Variants in DPP6 observed in about 807,000 individuals in gnomAD.
DPP6 encodes dipeptidyl peptidase like 6, also known as A-type potassium channel modulatory protein DPP6.
DPP6 carries 69 observed loss-of-function variants against 122.6 expected under a neutral mutation model. The observed-to-expected ratio is 0.56, with a 90% CI of 0.46 to 0.69. The LOEUF (loss-of-function observed/expected upper bound fraction) is 0.69. DPP6 is among the 30% of genes least tolerant of loss of function. DPP6 has a pLI of 0.00. For missense variants in DPP6, 928 were observed against 1,116.9 expected, an observed-to-expected ratio of 0.83 and a Z score of 2.41; for synonymous variants, 418 against 433.1, an observed-to-expected ratio of 0.97 and a Z score of 0.43.
intron 7 of DPP6, among the ~76,000 whole-genome samples, chr7:154,698,980 C>A (rs1166899898): frequency 6.6e-6 from 1 of 152,196 alleles, no homozygotes; most frequent in Non-Finnish European, 1.5e-5. Flanking sequence ...GGATAACGAG[C>A]CCCTGTAGGC....
intron 1 of DPP6, among the ~76,000 whole-genome samples, chr7:154,252,401 T>G (rs1226806879): frequency 6.6e-6 from 1 of 152,248 alleles, no homozygotes; most frequent in Non-Finnish European, 1.5e-5. Flanking sequence ...TCACTCACCT[T>G]GTTTAGAACT....
intron 1 of DPP6, among the ~76,000 whole-genome samples, chr7:154,443,147 A>G (rs952409298): frequency 6.6e-6 from 1 of 150,990 alleles, no homozygotes; most frequent in African/African-American, 2.4e-5. Flanking sequence ...CAGGCCAGGC[A>G]CCTGCCACTC....
At chr7:154,864,778 AACGAGGTATT>A (rs1242684206) in intron 17 of DPP6, among the ~76,000 whole-genome samples, 2 of 152,192 alleles carry the variant, frequency 1.3e-5, no homozygotes, top group African/African-American at 4.8e-5. Context: ...AATAGAGAGG[AACGAGGTATT>A]CACACGCAGC....
intron 6 of DPP6, among the ~76,000 whole-genome samples, chr7:154,640,656 G>A (rs969124309): frequency 6.6e-6 from 1 of 152,138 alleles, no homozygotes; most frequent in African/African-American, 2.4e-5. Context: ...CACTGTCACC[G>A]GTGTGCGTGC....
chr7:153,986,153 C>G (rs1219537641), intron 1 of DPP6, among the ~76,000 whole-genome samples: 1 of 152,158 alleles, frequency 6.6e-6, no homozygotes, highest in Admixed American at 6.5e-5. Flanking sequence ...AAATTCAAAC[C>G]AAACCCTTTT....
chr7:153,952,922 T>G (rs1161570140), intron 1 of DPP6, among the ~76,000 whole-genome samples: 1 of 152,228 alleles, frequency 6.6e-6, no homozygotes, highest in Non-Finnish European at 1.5e-5. Flanking sequence ...GCTCTAAATC[T>G]TTGCATAGTC....
intron 1 of DPP6, among the ~76,000 whole-genome samples, chr7:154,411,508 G>A (rs548745703): frequency 1.2e-4 from 19 of 152,182 alleles, no homozygotes; most frequent in South Asian, 1.0e-3. Context: ...CTCTAAGTGC[G>A]GAGATTACAG....
At chr7:153,826,056 T>C in the DPP6 span, among the ~76,000 whole-genome samples, 3 of 152,228 alleles carry the variant, frequency 2.0e-5, no homozygotes, top group African/African-American at 7.2e-5. Context: ...TTTATGGAGA[T>C]GTCTTCATAT....
intron 5 of DPP6, among the ~76,000 whole-genome samples, chr7:154,580,685 G>A (rs1374151767): frequency 6.6e-6 from 1 of 152,160 alleles, no homozygotes; most frequent in Non-Finnish European, 1.5e-5. Context: ...GAGAGGACAA[G>A]AGGCTTGAGT....
At chr7:154,513,476 A>G (rs1454756285) in intron 3 of DPP6, among the ~76,000 whole-genome samples, 1 of 152,154 alleles carries the variant, frequency 6.6e-6, no homozygotes, top group Admixed American at 6.6e-5. Context: ...GACTAACAAG[A>G]AGATTTTGGA....
chr7:154,222,747 T>G (rs890578147), intron 1 of DPP6, among the ~76,000 whole-genome samples: 3 of 149,458 alleles, frequency 2.0e-5, no homozygotes, highest in Non-Finnish European at 4.4e-5. Context: ...CGGAAGCTCA[T>G]TTCCTGCATA....
intron 1 of DPP6, among the ~76,000 whole-genome samples, chr7:153,900,779 G>A (rs1037014047): frequency 2.6e-5 from 4 of 152,152 alleles, no homozygotes; most frequent in Non-Finnish European, 5.9e-5. Context: ...AGCTGAAAGT[G>A]CCATGTCTTA....
intron 10 of DPP6, among the ~76,000 whole-genome samples, chr7:154,791,436 G>T (rs1797674795): frequency 6.6e-6 from 1 of 152,010 alleles, no homozygotes; most frequent in African/African-American, 2.4e-5. Context: ...GCGTGTGCAG[G>T]GAGACTGCCA....
At chr7:154,243,710 A>T (rs969149388) in intron 1 of DPP6, among the ~76,000 whole-genome samples, 1 of 151,918 alleles carries the variant, frequency 6.6e-6, no homozygotes, top group Admixed American at 6.6e-5. Context: ...CAGGAGAATG[A>T]TGTGAACCCA....
chr7:154,378,138 A>G (rs546295023), intron 1 of DPP6, among the ~76,000 whole-genome samples: 31 of 152,334 alleles, frequency 2.0e-4, no homozygotes, highest in Non-Finnish European at 4.1e-4. Context: ...ACCCAGCACA[A>G]TGGTGGGGCC....
rs775048399 is a variant in DPP6 at position 154,892,779 on chromosome 7, T to C, written c.*299T>C. ...CCCCAAGGAACAGAGCAAAGGATGG[T>C]GGCCGCAGGCCCCACGCGAGCCCAC... On this transcript the variant is annotated 3_prime_UTR_variant, in exon 26 of 26. Coordinates refer to ENST00000377770, the MANE Select transcript of DPP6 (RefSeq NM_130797.4). 8 of 621,524 alleles carry C rather than the reference T, an allele frequency of 1.3e-5. No homozygotes were observed. The Admixed American group carries it at 1.5e-4, about 12-fold the overall frequency. 38.5% of individuals were successfully genotyped at this position (621,524 alleles called of 1,614,324 possible).
chr7:154,837,348 G>GCACACATGCT (rs1563266659), intron 16 of DPP6, among the ~76,000 whole-genome samples: 1 of 149,982 alleles, frequency 6.7e-6, no homozygotes, highest in East Asian at 2.0e-4. Flanking sequence ...ATGCACACAT[G>GCACACATGCT]CACACATGCA....
intron 17 of DPP6, among the ~76,000 whole-genome samples, chr7:154,854,859 C>G (rs1802698145): frequency 6.6e-6 from 1 of 152,202 alleles, no homozygotes; most frequent in Admixed American, 6.5e-5. Context: ...CTTTCCAGCC[C>G]TCCCTCTGTC....
the DPP6 span, among the ~76,000 whole-genome samples, chr7:153,802,700 T>A: frequency 6.6e-6 from 1 of 152,234 alleles, no homozygotes; most frequent in Non-Finnish European, 1.5e-5. Context: ...AAATTATAAT[T>A]CTTACTTCTG....
Sources: allele counts gnomAD v4.1 joint callset (sites outside exome capture counted in the v4.1 genomes callset), GRCh38; gene constraint gnomAD v4.1.1; transcripts MANE v1.5; gene names NCBI Gene and HGNC (gene_info 2026-07-23, HGNC 2026-07-21).